HELZ: variants seen among roughly 807,000 people sequenced by gnomAD.
HELZ encodes the protein ATP-dependent RNA helicase with zinc finger domain.
In HELZ, 23 loss-of-function variants were observed where a neutral mutation model predicts 218.2. The ratio of observed to expected loss-of-function variants is 0.11; its 90% CI spans 0.08 to 0.15. The LOEUF is 0.15. Ranked by LOEUF, HELZ falls within the 10% of genes least tolerant of loss-of-function variation. The pLI is 1.00. For missense variants in HELZ, 1,813 were observed against 2,353.7 expected (o/e 0.77, Z 4.75); for synonymous variants, 814 against 829.4 (o/e 0.98, Z 0.32).
At chr17:67,192,812 T>C (rs1219707032) in intron 9 of HELZ, among the ~76,000 whole-genome samples, 1 of 151,956 alleles carries the variant, frequency 6.6e-6, no homozygotes, top group African/African-American at 2.4e-5. Flanking sequence ...AACCGAAGAG[T>C]TTACCATTTT....
At chr17:67,129,588 G>T (rs2037913513) in intron 23 of HELZ, among the ~76,000 whole-genome samples, 1 of 151,980 alleles carries the variant, frequency 6.6e-6, no homozygotes, top group South Asian at 2.1e-4. Context: ...ACAGGTGCTT[G>T]TTACAAGCAC....
At chr17:67,145,946 A>C in intron 20 of HELZ, 56 bp from the exon 21 acceptor site, 5 of 1,486,818 alleles carry the variant, frequency 3.4e-6, no homozygotes, top group East Asian at 2.5e-5. Context: ...AATTAATTTC[A>C]CCCATAAGAA....
At chr17:67,164,787 C>T (rs1440826415) in intron 15 of HELZ, among the ~76,000 whole-genome samples, 1 of 152,126 alleles carries the variant, frequency 6.6e-6, no homozygotes, top group African/African-American at 2.4e-5. Flanking sequence ...CTGGAAAGCA[C>T]AGTCAACGAG....
rs1598159577 is a variant in HELZ, at chr17:67,075,799, T to A, written c.*2453A>T. On this transcript the variant is annotated 3_prime_UTR_variant, in exon 33 of 33. Transcript: ENST00000358691. ...TAGAATCCTTGACTGGCTATGGAAA[T>A]AAGGAATGAGAAGTACTCATATACT... 6.6e-6 allele frequency: 1 copy of A among 152,598 alleles called. No homozygotes were observed. The highest frequency in any genetic ancestry group is 1.5e-5 in the Non-Finnish European group (1 of 67,998). 9.5% of individuals were successfully genotyped at this position (152,598 alleles called of 1,614,324 possible).
chr17:67,214,175 T>C (rs2040529800), intron 5 of HELZ, among the ~76,000 whole-genome samples: 1 of 151,924 alleles, frequency 6.6e-6, no homozygotes, highest in Non-Finnish European at 1.5e-5. Flanking sequence ...TCTTAATTTC[T>C]AGTTAACTCT....
chr17:67,127,907 A>C (rs141296133), intron 24 of HELZ, among the ~76,000 whole-genome samples: 1 of 152,202 alleles, frequency 6.6e-6, no homozygotes, highest in African/African-American at 2.4e-5. Context: ...TTTAATTCTT[A>C]TTGGTAACTT....
intron 28 of HELZ, among the ~76,000 whole-genome samples, chr17:67,113,837 C>A (rs1324184839): frequency 6.6e-6 from 1 of 152,178 alleles, no homozygotes; most frequent in Non-Finnish European, 1.5e-5. Context: ...ACAAGAACTT[C>A]CAGTGGCACT....
At chr17:67,226,226 T>C (rs1389071378) in intron 3 of HELZ, among the ~76,000 whole-genome samples, 1 of 134,378 alleles carries the variant, frequency 7.4e-6, no homozygotes. Context: ...ACCACTGCAC[T>C]CCAGCCTAGC....
chr17:67,099,979 T>C (rs2036873582), intron 31 of HELZ, among the ~76,000 whole-genome samples: 1 of 152,226 alleles, frequency 6.6e-6, no homozygotes, highest in Non-Finnish European at 1.5e-5. Context: ...TTAGATGGTT[T>C]ATTAGATATC....
At chr17:67,133,567 G>T (rs2038053299) in intron 23 of HELZ, among the ~76,000 whole-genome samples, 1 of 152,050 alleles carries the variant, frequency 6.6e-6, no homozygotes, top group Non-Finnish European at 1.5e-5. Flanking sequence ...TGTCACCCAG[G>T]CTGGAGTACA....
At position 67,188,605 on chromosome 17, in the gene HELZ, C is replaced by A. The variant is rs935564031; in HGVS notation, c.876G>T (p.Met292Ile). Residue 292 changes from methionine (M) to isoleucine (I), a missense_variant, in exon 12 of 33, where the codon ATG becomes ATT. Met to Ile is a conservative substitution (Grantham distance 10). Transcript: ENST00000358691. This position sits in a 1 kb window ranked among gnomAD's most constrained non-coding sequence, Gnocchi z 4.1. Reference protein sequence around the residue: ...TFALTCKPARMLYRVALLYDA... With the variant: ...TFALTCKPARILYRVALLYDA... Reference sequence around the variant, plus strand: ...CATAAAGCAATGCTACACGATACAGCATTCTTGCAGGCTACAAGGAAGTTA... The same window carrying A: ...CATAAAGCAATGCTACACGATACAGAATTCTTGCAGGCTACAAGGAAGTTA... 6.2e-7 allele frequency: 1 copy of A among 1,612,546 alleles called. No individual in the cohort carries two copies. The highest frequency in any genetic ancestry group is 1.7e-5 in the Admixed American group (1 of 60,014).
intron 32 of HELZ, among the ~76,000 whole-genome samples, chr17:67,082,869 T>G (rs1274990027): frequency 3.3e-5 from 5 of 149,752 alleles, no homozygotes; most frequent in African/African-American, 7.3e-5. Flanking sequence ...TGTTTTTTTT[T>G]TTTTTGAGAT....
intron 28 of HELZ, among the ~76,000 whole-genome samples, chr17:67,112,349 G>T (rs1455682130): frequency 6.6e-6 from 1 of 152,190 alleles, no homozygotes; most frequent in Non-Finnish European, 1.5e-5. Flanking sequence ...GGCTTCAGTT[G>T]CTCTGAGAGC....
chr17:67,197,508 T>C (rs1454892019), intron 7 of HELZ, among the ~76,000 whole-genome samples: 1 of 152,210 alleles, frequency 6.6e-6, no homozygotes, highest in Non-Finnish European at 1.5e-5. Context: ...TGATAGCACT[T>C]ACTGACTGCA....
At chr17:67,117,044 T>C (rs1329235642) in intron 27 of HELZ, among the ~76,000 whole-genome samples, 1 of 151,858 alleles carries the variant, frequency 6.6e-6, no homozygotes, top group Non-Finnish European at 1.5e-5. Flanking sequence ...TTAATAGAGA[T>C]AGGTTTCACC....
rs1221957045 is a variant in HELZ at position 67,108,184 on chromosome 17, A to T, written c.4724+308T>A. On this transcript the variant is annotated intron_variant, in intron 30 of 32. Transcript: ENST00000358691. The surrounding 1 kb of genome is among the most constrained non-coding windows in gnomAD (Gnocchi z 4.1). Reference sequence around the variant, plus strand: ...TCTTTATTCATTCTTTGCAAGTATTACTACTAAATAAAAAAAGCTGCTCAC... The same window carrying T: ...TCTTTATTCATTCTTTGCAAGTATTTCTACTAAATAAAAAAAGCTGCTCAC... Among the ~76,000 whole-genome samples the T allele has an allele frequency of 2.6e-5, 4 of 152,228 alleles. No homozygotes were observed. Among genetic ancestry groups the T allele is most frequent in the Non-Finnish European group, 5.9e-5 (4 of 68,040 alleles).
rs528850715 is a variant in HELZ at position 67,133,378 on chromosome 17, GA to G, written c.3182+2591del. 4.0e-3 allele frequency among the ~76,000 whole-genome samples: 607 copies of G among 152,250 alleles called. 5 individuals are homozygous for G. Among genetic ancestry groups the G allele is most frequent in the African/African-American group, 0.014 (587 of 41,542 alleles). On this transcript the variant is annotated intron_variant, in intron 23 of 32. Coordinates refer to ENST00000358691, the MANE Select transcript of HELZ (RefSeq NM_014877.4). The stretch of plus-strand genomic sequence containing the variant: ...AATGATTTCTGTCAAGACAATGGAT[GA>G]AAAATGCTGATCTCATGCAATTCAC...
intron 18 of HELZ, 145 bp from the exon 19 acceptor site, chr17:67,150,130 C>CTTTTTTTTTTTTTTTTTTT (rs11408678): frequency 2.8e-5 from 5 of 180,112 alleles, no homozygotes; most frequent in South Asian, 5.6e-5. Context: ...TATTTTCTTT[C>CTTTTTTTTTTTTTTTTTTT]TTTTTTTTTT....
chr17:67,130,601 T>C (rs2037948423), intron 23 of HELZ, among the ~76,000 whole-genome samples: 1 of 152,168 alleles, frequency 6.6e-6, no homozygotes, highest in African/African-American at 2.4e-5. Context: ...AATTGTGCTT[T>C]TTTTCTCATC....
Sources: allele counts gnomAD v4.1 joint callset (sites outside exome capture counted in the v4.1 genomes callset), GRCh38; gene constraint gnomAD v4.1.1; non-coding constraint Gnocchi (gnomAD v3.1); transcripts MANE v1.5; gene names NCBI Gene and HGNC (gene_info 2026-07-23, HGNC 2026-07-21).